Variants in RIMS1 observed in about 807,000 individuals in gnomAD.
RIMS1 encodes regulating synaptic membrane exocytosis protein 1.
A neutral mutation model predicts 214.1 loss-of-function variants in RIMS1; 83 were observed. That is an observed-to-expected ratio of 0.39 (90% CI 0.32 to 0.47). RIMS1 has a LOEUF of 0.47. Ranked by LOEUF, RIMS1 falls within the 20% of genes least tolerant of loss-of-function variation. The pLI is 0.99. For synonymous variants in RIMS1, 793 were observed against 786.8 expected, an observed-to-expected ratio of 1.01 and a Z score of -0.13; for missense variants, 2,050 against 2,161.8, an observed-to-expected ratio of 0.95 and a Z score of 1.03.
intron 4 of RIMS1, among the ~76,000 whole-genome samples, chr6:72,164,874 T>C (rs1293305262): frequency 1.3e-5 from 2 of 152,172 alleles, no homozygotes; most frequent in East Asian, 3.8e-4. Context: ...AAGGAATTGA[T>C]CCCATCATTG....
intron 2 of RIMS1, among the ~76,000 whole-genome samples, chr6:71,978,127 G>T (rs1583986275): frequency 1.3e-5 from 2 of 152,150 alleles, no homozygotes; most frequent in East Asian, 3.9e-4. Context: ...TGCACTAAGG[G>T]GAGGAGGCTC....
chr6:72,160,014 A>G (rs191620250), intron 4 of RIMS1, among the ~76,000 whole-genome samples: 4 of 132,700 alleles, frequency 3.0e-5, no homozygotes, highest in African/African-American at 1.0e-4. Flanking sequence ...GATTCTTCCT[A>G]CCCATGAGCA....
intron 2 of RIMS1, among the ~76,000 whole-genome samples, chr6:72,039,156 C>G (rs960240364): frequency 7.4e-5 from 4 of 54,248 alleles, no homozygotes; most frequent in Non-Finnish European, 1.3e-4. Flanking sequence ...AAGGGCTTTC[C>G]AAAAGAAGTA....
intron 1 of RIMS1, among the ~76,000 whole-genome samples, chr6:71,946,079 A>G (rs1426565088): frequency 3.9e-5 from 6 of 152,202 alleles, no homozygotes; most frequent in Non-Finnish European, 8.8e-5. Context: ...TTCAAAAAAT[A>G]AAATAAAATA....
At chr6:71,940,741 G>T (rs1418347720) in intron 1 of RIMS1, among the ~76,000 whole-genome samples, 1 of 152,162 alleles carries the variant, frequency 6.6e-6, no homozygotes, top group Non-Finnish European at 1.5e-5. Flanking sequence ...GGCCATCTGT[G>T]TTTGATAATT....
At chr6:72,120,185 G>C (rs1244902988) in intron 4 of RIMS1, among the ~76,000 whole-genome samples, 2 of 151,734 alleles carry the variant, frequency 1.3e-5, no homozygotes, top group African/African-American at 4.8e-5. Context: ...GGGATGGCTG[G>C]GTCAAATGGT....
At chr6:72,076,177 C>T (rs1012983999) in intron 2 of RIMS1, among the ~76,000 whole-genome samples, 16 of 152,102 alleles carry the variant, frequency 1.1e-4, no homozygotes, top group African/African-American at 3.9e-4. Flanking sequence ...CTTTACTTAC[C>T]TTATTTCATT....
intron 2 of RIMS1, among the ~76,000 whole-genome samples, chr6:71,993,276 C>G (rs961303136): frequency 6.6e-6 from 1 of 152,180 alleles, no homozygotes; most frequent in Non-Finnish European, 1.5e-5. Context: ...GCCACAAAGT[C>G]TCTCAAGGCC....
intron 23 of RIMS1, among the ~76,000 whole-genome samples, chr6:72,275,863 AAGAC>A (rs1276917859): frequency 2.0e-5 from 3 of 152,208 alleles, no homozygotes; most frequent in African/African-American, 4.8e-5. Flanking sequence ...AACAGTGATT[AAGAC>A]AGACAAAGTC....
intron 2 of RIMS1, among the ~76,000 whole-genome samples, chr6:72,048,210 A>G (rs1200708932): frequency 6.6e-6 from 1 of 152,214 alleles, no homozygotes; most frequent in Non-Finnish European, 1.5e-5. Flanking sequence ...ATTTTGACTC[A>G]TAGTCCAAAA....
intron 13 of RIMS1, 48 bp downstream of exon 13, chr6:72,250,508 G>A: frequency 7.6e-7 from 1 of 1,315,356 alleles, no homozygotes; most frequent in East Asian, 2.6e-5. Context: ...TGTACTAATA[G>A]AAAAGGTAGA....
chr6:72,212,840 G>T, intron 6 of RIMS1: 20 of 1,095,406 alleles, frequency 1.8e-5, no homozygotes, highest in Non-Finnish European at 2.2e-5. Context: ...CACACCACCA[G>T]GCCCACCGAA....
At chr6:72,272,522 G>A (rs941961430) in intron 22 of RIMS1, among the ~76,000 whole-genome samples, 2 of 152,042 alleles carry the variant, frequency 1.3e-5, no homozygotes, top group African/African-American at 2.4e-5. Context: ...CCAAATATTC[G>A]TTTAAAATTA....
intron 11 of RIMS1, among the ~76,000 whole-genome samples, chr6:72,246,712 G>C (rs2069952890): frequency 6.6e-6 from 1 of 152,070 alleles, no homozygotes; most frequent in Non-Finnish European, 1.5e-5. Flanking sequence ...ACCCAGTTTT[G>C]GCTTTGAGCT....
At chr6:72,351,714 T>C (rs1594824737) in intron 29 of RIMS1, among the ~76,000 whole-genome samples, 1 of 152,242 alleles carries the variant, frequency 6.6e-6, no homozygotes. Flanking sequence ...TTTAAAATGC[T>C]ATTATATACT....
chr6:72,390,911 C>T (rs952076489), intron 30 of RIMS1, 175 bp downstream of exon 30: 1 of 560,718 alleles, frequency 1.8e-6, no homozygotes, highest in African/African-American at 1.9e-5. Flanking sequence ...CACACCTCTA[C>T]ACCTGGTCAT....
chr6:72,264,945 T>C, intron 19 of RIMS1, 30 bp from the exon 20 acceptor site: 1 of 1,447,070 alleles, frequency 6.9e-7, no homozygotes, highest in Non-Finnish European at 9.5e-7. Context: ...ATTTTTCTGT[T>C]TCCTGCGTGT....
intron 29 of RIMS1, among the ~76,000 whole-genome samples, chr6:72,334,185 A>G (rs2096764355): frequency 6.6e-6 from 1 of 151,940 alleles, no homozygotes; most frequent in Non-Finnish European, 1.5e-5. Context: ...TCCATAATTC[A>G]ATTACTTATT....
intron 21 of RIMS1, 75 bp downstream of exon 21, chr6:72,265,578 T>G (rs1425949384): frequency 1.2e-6 from 1 of 803,232 alleles, no homozygotes; most frequent in South Asian, 1.9e-5. Flanking sequence ...AGTTGTAAAA[T>G]TATTTCTCCT....
Sources: gnomAD v4.1 joint callset for allele counts (sites outside exome capture counted in the v4.1 genomes callset) on GRCh38, gnomAD v4.1.1 for gene constraint, MANE v1.5 for transcripts, NCBI Gene and HGNC (gene_info 2026-07-23, HGNC 2026-07-21) for gene names.